The following LARGE1 variants were observed in gnomAD, a reference collection of about 807,000 sequenced individuals.
LARGE1 encodes LARGE xylosyl- and glucuronyltransferase 1.
LARGE1 carries 43 observed loss-of-function variants against 87.6 expected under a neutral mutation model. That is an observed-to-expected ratio of 0.49 (90% confidence interval 0.38 to 0.63). The LOEUF (loss-of-function observed/expected upper bound fraction) is 0.63, where lower values mean the gene tolerates loss of function less well. LARGE1 is among the 30% of genes least tolerant of loss of function. The probability of loss-of-function intolerance (pLI) is 0.00; values close to 1 mark genes in which losing one functional copy is unlikely to be tolerated. For missense variants in LARGE1, 802 were observed against 1,000.2 expected, an observed-to-expected ratio of 0.80 and a Z score of 2.67; for synonymous variants, 434 against 394.6, an observed-to-expected ratio of 1.10 and a Z score of -1.18.
At chr22:33,786,107 A>G (rs1401214526) in intron 1 of LARGE1, among the ~76,000 whole-genome samples, 1 of 152,190 alleles carries the variant, frequency 6.6e-6, no homozygotes, top group African/African-American at 2.4e-5. Flanking sequence ...AATTACAAAA[A>G]TTCCTCAAGA....
chr22:33,253,449 T>C (rs1026567344), intron 11 of LARGE1, among the ~76,000 whole-genome samples: 4 of 152,168 alleles, frequency 2.6e-5, no homozygotes, highest in Admixed American at 2.0e-4. Context: ...ACATGGCTCA[T>C]GCCTGTAATT....
chr22:33,823,113 A>G (rs1024749407), intron 1 of LARGE1, among the ~76,000 whole-genome samples: 20 of 152,192 alleles, frequency 1.3e-4, no homozygotes, highest in African/African-American at 4.8e-4. Context: ...AAATAGCACA[A>G]CCTAATCCAT....
intron 9 of LARGE1, among the ~76,000 whole-genome samples, chr22:33,368,955 C>T (rs1045486515): frequency 2.6e-5 from 4 of 152,130 alleles, no homozygotes; most frequent in Non-Finnish European, 4.4e-5. Context: ...GTGTTGATGG[C>T]TGCTGACTGA....
At chr22:33,585,222 C>T (rs2078637112) in intron 5 of LARGE1, among the ~76,000 whole-genome samples, 1 of 152,146 alleles carries the variant, frequency 6.6e-6, no homozygotes, top group Admixed American at 6.5e-5. Flanking sequence ...CTGAGATAAG[C>T]ATTTTCTTCT....
intron 1 of LARGE1, among the ~76,000 whole-genome samples, chr22:33,881,679 A>G (rs2146760178): frequency 6.6e-6 from 1 of 152,362 alleles, no homozygotes; most frequent in South Asian, 2.1e-4. Flanking sequence ...TACAGAATAT[A>G]GACCCATGGA....
chr22:33,706,815 C>T (rs2082577579), intron 2 of LARGE1, among the ~76,000 whole-genome samples: 1 of 152,204 alleles, frequency 6.6e-6, no homozygotes, highest in African/African-American at 2.4e-5. Flanking sequence ...CAAATTCTTC[C>T]TAATCCATGA....
At chr22:33,471,293 C>T (rs932497734) in intron 6 of LARGE1, among the ~76,000 whole-genome samples, 2 of 152,096 alleles carry the variant, frequency 1.3e-5, no homozygotes, top group African/African-American at 4.8e-5. Flanking sequence ...ATCTACCCAC[C>T]TTGGCCTCCC....
At chr22:33,254,715 AAT>A (rs2145727514) in intron 11 of LARGE1, among the ~76,000 whole-genome samples, 1 of 152,316 alleles carries the variant, frequency 6.6e-6, no homozygotes, top group South Asian at 2.1e-4. Context: ...GTAATGAAAT[AAT>A]ATGTAAAGCA....
At chr22:33,455,810 T>C (rs2068110118) in intron 6 of LARGE1, among the ~76,000 whole-genome samples, 1 of 146,166 alleles carries the variant, frequency 6.8e-6, no homozygotes, top group Non-Finnish European at 1.5e-5. Context: ...CTGGGAAGGA[T>C]AGTAGAAGTC....
In LARGE1 at chr22:33,176,955, C is replaced by T. The variant is rs534158154; in HGVS notation, c.1731-10123G>A. On this transcript the variant is annotated intron_variant, in intron 11 of 11. Transcript: ENST00000608642. Reference sequence around the variant, plus strand: ...GGATAAAGAAAATGTGGCACACATACACCATGGAATACTATGCAGCCATAA... The same window carrying T: ...GGATAAAGAAAATGTGGCACACATATACCATGGAATACTATGCAGCCATAA... Among the ~76,000 whole-genome samples, 3 of 152,268 alleles carry T rather than the reference C, an allele frequency of 2.0e-5. No individual in the cohort carries two copies. In the East Asian group the frequency reaches 5.8e-4, roughly 29 times the overall value.
intron 1 of LARGE1, among the ~76,000 whole-genome samples, chr22:33,803,232 T>C (rs1396824777): frequency 1.4e-5 from 2 of 145,748 alleles, no homozygotes; most frequent in African/African-American, 2.4e-5. Context: ...TCTGCTTCTA[T>C]ACAACTTCTA....
At chr22:33,730,896 T>C (rs2083443424) in intron 2 of LARGE1, among the ~76,000 whole-genome samples, 1 of 152,058 alleles carries the variant, frequency 6.6e-6, no homozygotes, top group African/African-American at 2.4e-5. Flanking sequence ...GATTTCACCA[T>C]GTTGGTCAGG....
intron 9 of LARGE1, among the ~76,000 whole-genome samples, chr22:33,378,663 T>A (rs1385373721): frequency 6.6e-6 from 1 of 152,184 alleles, no homozygotes; most frequent in African/African-American, 2.4e-5. Context: ...TGTGGGGTTA[T>A]TTTCCTACAA....
At chr22:33,809,890 A>C (rs1234315719) in intron 1 of LARGE1, among the ~76,000 whole-genome samples, 1 of 152,158 alleles carries the variant, frequency 6.6e-6, no homozygotes, top group African/African-American at 2.4e-5. Context: ...TTAAAAAAAA[A>C]AACAAAAAAA....
chr22:33,227,276 T>G (rs1476499921), intron 11 of LARGE1, among the ~76,000 whole-genome samples: 1 of 152,202 alleles, frequency 6.6e-6, no homozygotes, highest in Non-Finnish European at 1.5e-5. Flanking sequence ...GCTCTGTAGT[T>G]AGTGCTCCTG....
chr22:33,853,253 T>C (rs2063663358), intron 1 of LARGE1, among the ~76,000 whole-genome samples: 1 of 152,152 alleles, frequency 6.6e-6, no homozygotes, highest in South Asian at 2.1e-4. Context: ...TCCTTCCCTA[T>C]AATGAACAGG....
chr22:33,273,209 T>C lies in LARGE1; in HGVS notation c.*1218A>G. The C allele has an allele frequency of 7.6e-6, 3 of 394,940 alleles. No individual in the cohort carries two copies. The highest frequency in any genetic ancestry group is 1.3e-5 in the Non-Finnish European group (3 of 224,070). The allele number at this position is 394,940 out of a possible 1,614,324, so 24.5% of individuals were successfully genotyped here. On this transcript the variant is annotated 3_prime_UTR_variant, in exon 15 of 15. Transcript: ENST00000397394. ...CATCAATGTAAACACAATATTAATA[T>C]TGAAGATTAAAGAAAATGGGTAAAA...
intron 6 of LARGE1, among the ~76,000 whole-genome samples, chr22:33,491,876 C>T (rs1211972467): frequency 6.6e-6 from 1 of 151,984 alleles, no homozygotes; most frequent in Non-Finnish European, 1.5e-5. Context: ...AAGACAAGGT[C>T]GAGGGGAAAG....
intron 4 of LARGE1, among the ~76,000 whole-genome samples, chr22:33,625,477 G>A (rs738961): frequency 0.47 from 72,109 of 152,026 alleles, 17,475 homozygotes; most frequent in East Asian, 0.71. Context: ...GAGATCATCC[G>A]CAGGTTGGGA....
Sources: gnomAD v4.1 joint callset for allele counts (sites outside exome capture counted in the v4.1 genomes callset) on GRCh38, gnomAD v4.1.1 for gene constraint, MANE v1.5 for transcripts, NCBI Gene and HGNC (gene_info 2026-07-23, HGNC 2026-07-21) for gene names.